The following PITPNB variants were observed in gnomAD, a reference collection of about 807,000 sequenced individuals.
PITPNB encodes phosphatidylinositol transfer protein beta, also known as phosphatidylinositol transfer protein beta isoform.
PITPNB carries 16 observed loss-of-function variants against 45.9 expected under a neutral mutation model. That is an observed-to-expected ratio of 0.35 (90% CI 0.24 to 0.53). PITPNB has a LOEUF of 0.53. Ranked by LOEUF, PITPNB falls within the 20% of genes least tolerant of loss-of-function variation. The pLI, the probability that PITPNB is intolerant of heterozygous loss-of-function variation, is 0.93. For synonymous variants in PITPNB, 112 were observed against 108.9 expected, an observed-to-expected ratio of 1.03 and a Z score of -0.18; for missense variants, 188 against 330.5, an observed-to-expected ratio of 0.57 and a Z score of 3.34.
At position 27,854,865 on chromosome 22, in the gene PITPNB, T is replaced by A; in HGVS notation, c.*27A>T. The A allele has an allele frequency of 1.2e-6, 2 of 1,609,504 alleles. No individual in the cohort carries two copies. Among genetic ancestry groups the A allele is most frequent in the Non-Finnish European group, 1.7e-6 (2 of 1,176,066 alleles). ...AGGTCTTCACTTACACAGTTTGACATTGTCTCTGACCCTACAGGGGACTCA... is the reference window on the plus strand; with the variant it reads ...AGGTCTTCACTTACACAGTTTGACAATGTCTCTGACCCTACAGGGGACTCA... On this transcript the variant is annotated 3_prime_UTR_variant, in exon 11 of 12. Coordinates refer to ENST00000335272, the MANE Select transcript of PITPNB (RefSeq NM_012399.5).
intron 1 of PITPNB, among the ~76,000 whole-genome samples, chr22:27,918,649 C>CGCGG (rs1175828050): frequency 6.6e-6 from 1 of 152,246 alleles, no homozygotes; most frequent in Admixed American, 6.5e-5. Flanking sequence ...TCCGGAATCC[C>CGCGG]GGCTCCACCA....
At chr22:27,885,389 T>TA (rs1935095832) in intron 7 of PITPNB, among the ~76,000 whole-genome samples, 1 of 152,152 alleles carries the variant, frequency 6.6e-6, no homozygotes, top group African/African-American at 2.4e-5. Context: ...CTTTAGAAAT[T>TA]AAAAAACTTT....
intron 1 of PITPNB, among the ~76,000 whole-genome samples, chr22:27,916,808 A>C (rs529919405): frequency 1.4e-4 from 21 of 152,262 alleles, no homozygotes; most frequent in East Asian, 3.9e-4. Context: ...CAAAAAAAAA[A>C]CATAAAAATA....
chr22:27,890,634 G>A (rs1935249083), intron 7 of PITPNB, among the ~76,000 whole-genome samples: 1 of 152,234 alleles, frequency 6.6e-6, no homozygotes. Context: ...CTAACATGGC[G>A]AAACCCTGTC....
chr22:27,852,129 G>A lies in PITPNB; in HGVS notation c.*1573C>T, dbSNP rs1487635494. The stretch of plus-strand genomic sequence containing the variant: ...TGATCCTACACATCCTTCCTTGTCT[G>A]ATTCACTGAAATCACTCCAGTGGGG... On this transcript the variant is annotated 3_prime_UTR_variant, in exon 12 of 12. Transcript: ENST00000335272. 2 of 152,186 alleles carry A rather than the reference G, an allele frequency of 1.3e-5. No individual in the cohort carries two copies. Among genetic ancestry groups the A allele is most frequent in the Non-Finnish European group, 2.9e-5 (2 of 68,056 alleles). The allele number at this position is 152,186 out of a possible 1,614,324, so 9.4% of individuals were successfully genotyped here.
chr22:27,897,244 C>G, intron 4 of PITPNB, 107 bp from the exon 5 acceptor site: 2 of 799,688 alleles, frequency 2.5e-6, no homozygotes, highest in Admixed American at 1.8e-5. Flanking sequence ...ACTAAACTAT[C>G]TGAAAACAGA....
At chr22:27,884,910 A>T (rs1165384468) in intron 7 of PITPNB, among the ~76,000 whole-genome samples, 1 of 152,120 alleles carries the variant, frequency 6.6e-6, no homozygotes, top group Non-Finnish European at 1.5e-5. Flanking sequence ...GTACCTTGAA[A>T]ATTATACAAA....
chr22:27,899,190 C>CA (rs1240181633), intron 3 of PITPNB, among the ~76,000 whole-genome samples: 2 of 152,096 alleles, frequency 1.3e-5, no homozygotes, highest in Non-Finnish European at 2.9e-5. Context: ...ACAATGAGCT[C>CA]AAAAAATGGT....
intron 8 of PITPNB, 37 bp downstream of exon 8, chr22:27,873,701 C>A: frequency 7.6e-7 from 1 of 1,311,392 alleles, no homozygotes; most frequent in South Asian, 1.2e-5. Flanking sequence ...GTTCTGTTGC[C>A]AAGACTCTGC....
At chr22:27,893,971 T>G (rs970241743) in intron 7 of PITPNB, among the ~76,000 whole-genome samples, 1 of 152,170 alleles carries the variant, frequency 6.6e-6, no homozygotes, top group Non-Finnish European at 1.5e-5. Flanking sequence ...TCTTTACTTG[T>G]GAAAAAGAAA....
intron 7 of PITPNB, among the ~76,000 whole-genome samples, chr22:27,876,381 G>A (rs1199683629): frequency 1.1e-4 from 17 of 152,090 alleles, no homozygotes; most frequent in Admixed American, 1.1e-3. Flanking sequence ...TTCTCCTCTT[G>A]AATACAAAGC....
intron 2 of PITPNB, among the ~76,000 whole-genome samples, chr22:27,913,714 A>G (rs1935999344): frequency 6.6e-6 from 1 of 152,212 alleles, no homozygotes; most frequent in Admixed American, 6.5e-5. Context: ...GCAAGTCCAC[A>G]TATCATGCTG....
At chr22:27,853,752 A>T in intron 11 of PITPNB, 89 bp from the exon 12 acceptor site, 1 of 907,144 alleles carries the variant, frequency 1.1e-6, no homozygotes. Flanking sequence ...CTCCAAATGC[A>T]TCAAAACTTT....
intron 10 of PITPNB, among the ~76,000 whole-genome samples, chr22:27,857,705 C>T (rs1334240910): frequency 5.3e-5 from 8 of 152,166 alleles, no homozygotes; most frequent in Non-Finnish European, 1.0e-4. Context: ...AGGGCAAAAA[C>T]AAAACCAGAC....
rs145315143 is a variant in PITPNB, at chr22:27,897,256, C to T, written c.290-119G>A. On this transcript the variant is annotated intron_variant, in intron 4 of 11. Coordinates refer to ENST00000335272, the MANE Select transcript of PITPNB (RefSeq NM_012399.5). Reference sequence around the variant, plus strand: ...AAGACTAAACTATCTGAAAACAGAACATTTATTTAGTAATTTATGTCTGCA... The same window carrying T: ...AAGACTAAACTATCTGAAAACAGAATATTTATTTAGTAATTTATGTCTGCA... The T allele has an allele frequency of 2.5e-3, 1,913 of 773,904 alleles. 5 individuals carry two copies. The highest frequency in any genetic ancestry group is 3.5e-3 in the Non-Finnish European group (1,518 of 428,070). The allele number at this position is 773,904 out of a possible 1,614,324, so 47.9% of individuals were successfully genotyped here. A position where few individuals can be genotyped will look rare whatever the true frequency, so the allele number is the denominator to read the frequency against.
At chr22:27,900,569 T>C (rs1935564580) in intron 3 of PITPNB, among the ~76,000 whole-genome samples, 1 of 152,230 alleles carries the variant, frequency 6.6e-6, no homozygotes, top group Admixed American at 6.5e-5. Context: ...ATTTACTTTT[T>C]TTTTATGTTT....
In PITPNB at chr22:27,909,207, C is replaced by CTTT. The variant is rs34224616; in HGVS notation, c.197+1754_197+1756dup. On this transcript the variant is annotated intron_variant, in intron 3 of 11. Transcript: ENST00000335272. ...TGCCCTTAGATAAATACTGGTAGTA[C>CTTT]TTTTTTTTTTTTTTTTTTTTTTGGC... Among the ~76,000 whole-genome samples the CTTT allele has an allele frequency of 2.9e-3, 239 of 82,158 alleles. 1 individual carries two copies. The highest frequency in any genetic ancestry group is 7.6e-3 in the Middle Eastern group (1 of 132). 53.9% of individuals were successfully genotyped at this position (82,158 alleles called of 152,430 possible).
intron 7 of PITPNB, among the ~76,000 whole-genome samples, chr22:27,880,088 C>T (rs549029354): frequency 3.6e-4 from 55 of 152,274 alleles, no homozygotes; most frequent in South Asian, 6.2e-4. Context: ...TGCTCAAAAA[C>T]TTGAAATAAA....
At chr22:27,896,018 T>C (rs1935421193) in intron 6 of PITPNB, among the ~76,000 whole-genome samples, 1 of 152,206 alleles carries the variant, frequency 6.6e-6, no homozygotes, top group Admixed American at 6.5e-5. Flanking sequence ...AAGTCCTAAC[T>C]CAAAGATGTT....
Sources: gnomAD v4.1 joint callset for allele counts (sites outside exome capture counted in the v4.1 genomes callset) on GRCh38, gnomAD v4.1.1 for gene constraint, MANE v1.5 for transcripts, NCBI Gene and HGNC (gene_info 2026-07-23, HGNC 2026-07-21) for gene names.